Variants in ITGB2 observed in about 807,000 individuals in gnomAD.
ITGB2 encodes the protein integrin beta-2.
A neutral mutation model predicts 86.8 loss-of-function variants in ITGB2; 56 were observed. That is an observed-to-expected ratio of 0.65 (90% CI 0.52 to 0.81). ITGB2 has a LOEUF of 0.81. Ranked by LOEUF, ITGB2 falls within the 30% of genes least tolerant of loss-of-function variation. The pLI is 0.00. For synonymous variants in ITGB2, 457 were observed against 450.4 expected (o/e 1.01, Z -0.19); for missense variants, 948 against 1,061.2 (o/e 0.89, Z 1.48).
At position 44,886,098 on chromosome 21, in the gene ITGB2, A is replaced by T; in HGVS notation, c.*270T>A. On this transcript the variant is annotated 3_prime_UTR_variant, in exon 16 of 16. Transcript: ENST00000652462. ...CACCTTTAATCAGACTGATGTCCTG[A>T]CTTGCACAGGAAACACGCACCTAAC... The T allele has an allele frequency of 1.8e-6, 1 of 554,756 alleles. No individual in the cohort carries two copies. The highest frequency in any genetic ancestry group is 3.2e-6 in the Non-Finnish European group (1 of 308,128). The allele number at this position is 554,756 out of a possible 1,614,324, so 34.4% of individuals were successfully genotyped here. A position where few individuals can be genotyped will look rare whatever the true frequency, so the allele number is the denominator to read the frequency against.
intron 10 of ITGB2, 81 bp downstream of exon 10, chr21:44,893,323 G>A: frequency 6.4e-7 from 1 of 1,565,032 alleles, no homozygotes; most frequent in Non-Finnish European, 8.8e-7. Context: ...TCAGTGTGCT[G>A]GGATGGGGAC....
Position 44,888,744 on chromosome 21 carries a change from C to G in ITGB2, c.2029G>C (p.Glu677Gln), listed in dbSNP as rs374293657. Residue 677 changes from glutamate (E) to glutamine (Q), a missense_variant, in exon 14 of 16, where the codon GAG (glutamate) becomes CAG (glutamine). Coordinates refer to ENST00000652462, the MANE Select transcript of ITGB2 (RefSeq NM_000211.5). The part of the protein sequence containing the change: ...SEGCWVAYTL[E>Q]QQDGMDRYLI... ...TAGCGGTCCATCCCGTCCTGCTGCT[C>G]CAGCGTGTAGGCCACCCAGCAGCCC... 2 of 1,611,608 alleles carry G rather than the reference C, an allele frequency of 1.2e-6. No homozygotes were observed. The highest frequency in any genetic ancestry group is 1.3e-5 in the African/African-American group (1 of 75,074).
At position 44,889,304 on chromosome 21, in the gene ITGB2, C is replaced by T. The variant is rs749135078; in HGVS notation, c.1849G>A (p.Gly617Ser). Residue 617 changes from glycine (G) to serine (S), a missense_variant, in exon 13 of 16, where the codon GGC becomes AGC. By Grantham distance (56) the Gly-to-Ser change is moderately conservative. Coordinates refer to ENST00000652462, the MANE Select transcript of ITGB2 (RefSeq NM_000211.5). ...TACTTGCCACAGGGTGAGGGGCAGC[C>T]GGGGCACTCCTGGCACAGAGGCAGC... ...YQLPLCQECP[G>S]CPSPCGKYIS... 7.4e-6 allele frequency: 12 copies of T among 1,612,846 alleles called. 1 individual carries two copies. Among genetic ancestry groups the T allele is most frequent in the East Asian group, 6.7e-5 (3 of 44,864 alleles).
At chr21:44,886,593 G>A in intron 15 of ITGB2, 143 bp downstream of exon 15, 1 of 1,416,894 alleles carries the variant, frequency 7.1e-7, no homozygotes, top group Non-Finnish European at 9.9e-7. Flanking sequence ...CTCACCCACA[G>A]CGGCGGACGC....
intron 2 of ITGB2, 41 bp from the exon 3 acceptor site, chr21:44,910,413 G>T (rs760315781): frequency 1.9e-6 from 3 of 1,613,290 alleles, no homozygotes; most frequent in Non-Finnish European, 2.5e-6. Context: ...GCTCTGGGCC[G>T]CCCTGCCCAC....
At chr21:44,903,292 G>C in intron 5 of ITGB2, 73 bp downstream of exon 5, 2 of 1,578,956 alleles carry the variant, frequency 1.3e-6, no homozygotes, top group Non-Finnish European at 1.7e-6. Context: ...GCGAGGAGTT[G>C]TGTGGGCCAC....
chr21:44,888,599 A>C (rs1288371134), intron 14 of ITGB2, 94 bp downstream of exon 14: 13 of 1,386,158 alleles, frequency 9.4e-6, no homozygotes, highest in African/African-American at 1.4e-5. Flanking sequence ...ACAACACTGG[A>C]GGTGAGATCC....
intron 1 of ITGB2, among the ~76,000 whole-genome samples, chr21:44,916,954 G>C (rs1245196879): frequency 6.6e-6 from 1 of 151,776 alleles, no homozygotes; most frequent in Non-Finnish European, 1.5e-5. Context: ...AAATTGCATA[G>C]AGGAAATAGC....
intron 8 of ITGB2, among the ~76,000 whole-genome samples, chr21:44,895,580 G>A (rs1036725336): frequency 7.3e-5 from 11 of 151,112 alleles, no homozygotes; most frequent in Non-Finnish European, 1.2e-4. Flanking sequence ...GATGGCTCAC[G>A]CCTGTGATCC....
chr21:44,910,738 G>C lies in ITGB2; in HGVS notation c.45C>G (p.Leu15=). 1 of 1,614,026 alleles carries C rather than the reference G, an allele frequency of 6.2e-7. No homozygotes were observed. Among genetic ancestry groups the C allele is most frequent in the South Asian group, 1.1e-5 (1 of 91,054 alleles). The change falls in exon 2 of 16, where the codon CTC becomes CTG. Residue 15 remains leucine (L), a synonymous_variant. Coordinates refer to ENST00000652462, the MANE Select transcript of ITGB2 (RefSeq NM_000211.5). ...RPPLLALVGL[L]SLGCVLSQEC... is the part of the protein sequence containing the mutation. ...CACAGAACTCACCGCACCCGAGGGA[G>C]AGCAGCCCCACCAGGGCGAGCAGTG...
intron 1 of ITGB2, among the ~76,000 whole-genome samples, chr21:44,926,307 G>T (rs1226759504): frequency 6.6e-6 from 1 of 152,196 alleles, no homozygotes; most frequent in Non-Finnish European, 1.5e-5. Context: ...CACAAGGCTG[G>T]AAGTCAGAGG....
chr21:44,902,155 C>T (rs959911320), intron 5 of ITGB2, among the ~76,000 whole-genome samples: 6 of 152,076 alleles, frequency 3.9e-5, no homozygotes, highest in Admixed American at 6.5e-5. Flanking sequence ...ATGGACACAC[C>T]TAGTTCACGT....
intron 11 of ITGB2, among the ~76,000 whole-genome samples, chr21:44,891,172 C>T (rs1326631791): frequency 3.9e-5 from 6 of 152,192 alleles, no homozygotes; most frequent in African/African-American, 1.4e-4. Flanking sequence ...AGCCATCCAG[C>T]CCCCGGGCAG....
chr21:44,906,799 G>T, intron 4 of ITGB2, 116 bp downstream of exon 4: 1 of 1,134,914 alleles, frequency 8.8e-7, no homozygotes, highest in African/African-American at 1.5e-5. Flanking sequence ...ACACCCGTCC[G>T]ACCCGGACAC....
intron 7 of ITGB2, 64 bp downstream of exon 7, chr21:44,900,256 C>A: frequency 2.5e-6 from 4 of 1,594,878 alleles, no homozygotes; most frequent in Non-Finnish European, 3.4e-6. Flanking sequence ...GAGACCCCAC[C>A]CTTGTCTCCT....
At chr21:44,888,980 A>C in intron 13 of ITGB2, 85 bp from the exon 14 acceptor site, 100 of 862,228 alleles carry the variant, frequency 1.2e-4, no homozygotes, top group Non-Finnish European at 1.5e-4. Flanking sequence ...TGTGTCCACC[A>C]GGGGGGGCAG....
At chr21:44,903,960 C>T (rs1190089272) in intron 4 of ITGB2, among the ~76,000 whole-genome samples, 3 of 152,166 alleles carry the variant, frequency 2.0e-5, no homozygotes, top group Admixed American at 6.5e-5. Flanking sequence ...GCAAGGCCCA[C>T]GCGGGCCGTC....
At chr21:44,886,501 C>T in intron 15 of ITGB2, 71 bp from the exon 16 acceptor site, 1 of 1,524,522 alleles carries the variant, frequency 6.6e-7, no homozygotes, top group Non-Finnish European at 9.1e-7. Context: ...TCCCTGAGGA[C>T]ACTCCCCGCA....
chr21:44,908,930 G>C (rs2146543196), intron 3 of ITGB2, among the ~76,000 whole-genome samples: 1 of 152,370 alleles, frequency 6.6e-6, no homozygotes, highest in African/African-American at 2.4e-5. Flanking sequence ...ACTCGGGGAA[G>C]AAAGGACAGC....
Sources: allele counts gnomAD v4.1 joint callset (sites outside exome capture counted in the v4.1 genomes callset), GRCh38; gene constraint gnomAD v4.1.1; transcripts MANE v1.5; gene names NCBI Gene and HGNC (gene_info 2026-07-23, HGNC 2026-07-21).